The following TGFBR3 variants were observed in gnomAD, a reference collection of about 807,000 sequenced individuals.
TGFBR3 encodes the protein transforming growth factor beta receptor type 3.
A neutral mutation model predicts 87.9 loss-of-function variants in TGFBR3; 46 were observed. The observed-to-expected ratio is 0.52, with a 90% CI of 0.41 to 0.67. The LOEUF is 0.67. Ranked by LOEUF, TGFBR3 falls within the 30% of genes least tolerant of loss-of-function variation. TGFBR3 has a pLI of 0.00. For missense variants in TGFBR3, 866 were observed against 1,041.9 expected (o/e 0.83, Z 2.32); for synonymous variants, 381 against 391.6 (o/e 0.97, Z 0.32).
intron 1 of TGFBR3, among the ~76,000 whole-genome samples, chr1:91,872,398 C>A (rs1678615019): frequency 6.6e-6 from 1 of 152,198 alleles, no homozygotes; most frequent in Admixed American, 6.5e-5. Flanking sequence ...GGGACAACCC[C>A]TTATCTTGAG....
chr1:91,828,321 T>G (rs778412120), intron 2 of TGFBR3, among the ~76,000 whole-genome samples: 3 of 152,164 alleles, frequency 2.0e-5, no homozygotes, highest in Non-Finnish European at 4.4e-5. Flanking sequence ...TTGGCTTCAT[T>G]AACTAGTCAA....
rs571211266 is a variant in TGFBR3 at position 91,898,645 on chromosome 1, A to G, written c.-114+992T>C. Among the ~76,000 whole-genome samples the G allele has an allele frequency of 2.6e-5, 4 of 152,100 alleles. No homozygotes were observed. In the East Asian group the frequency reaches 7.7e-4, roughly 29 times the overall value. Reference sequence around the variant, plus strand: ...AGTAGAGACGGGGTTTCACCGTGTTAGCAGGATGGTCTCGATCTCCTGACC... The same window carrying G: ...AGTAGAGACGGGGTTTCACCGTGTTGGCAGGATGGTCTCGATCTCCTGACC... On this transcript the variant is annotated intron_variant, in intron 2 of 17. Transcript: ENST00000370399.
intron 13 of TGFBR3, 62 bp downstream of exon 13, chr1:91,712,181 A>C: frequency 6.6e-7 from 1 of 1,521,160 alleles, no homozygotes; most frequent in Non-Finnish European, 9.0e-7. Context: ...CTTGGGATTA[A>C]ACTTTTCTGC....
At chr1:91,744,396 C>A (rs1171468293) in intron 4 of TGFBR3, among the ~76,000 whole-genome samples, 3 of 152,116 alleles carry the variant, frequency 2.0e-5, no homozygotes, top group African/African-American at 7.2e-5. Context: ...ACTCAGCCTT[C>A]TTTTACTTTT....
At chr1:91,866,061 T>C (rs1195902261) in intron 1 of TGFBR3, among the ~76,000 whole-genome samples, 2 of 152,282 alleles carry the variant, frequency 1.3e-5, no homozygotes, top group South Asian at 2.1e-4. Context: ...CATGCCCTCA[T>C]GACCCAACAG....
At chr1:91,776,152 C>A (rs936171066) in intron 3 of TGFBR3, among the ~76,000 whole-genome samples, 2 of 152,214 alleles carry the variant, frequency 1.3e-5, no homozygotes, top group East Asian at 3.9e-4. Context: ...CAACACGCAA[C>A]ACTGGGTGCA....
At chr1:91,689,676 G>C (rs1430098305) in intron 16 of TGFBR3, among the ~76,000 whole-genome samples, 1 of 152,048 alleles carries the variant, frequency 6.6e-6, no homozygotes, top group Non-Finnish European at 1.5e-5. Flanking sequence ...AGGAAGAAAA[G>C]AGTGAACTCT....
At chr1:91,810,800 G>T (rs1253087578) in intron 2 of TGFBR3, among the ~76,000 whole-genome samples, 1 of 152,076 alleles carries the variant, frequency 6.6e-6, no homozygotes, top group Non-Finnish European at 1.5e-5. Flanking sequence ...CCATAAGACT[G>T]TTCTTAGGAT....
intron 12 of TGFBR3, 41 bp from the exon 13 acceptor site, chr1:91,712,583 A>G: frequency 1.2e-6 from 2 of 1,602,984 alleles, no homozygotes; most frequent in Non-Finnish European, 1.7e-6. Flanking sequence ...ATGAGTTAGC[A>G]TCTCACTTTC....
At chr1:91,863,697 C>G (rs1182802681) in intron 1 of TGFBR3, 1 of 152,132 alleles carries the variant, frequency 6.6e-6, no homozygotes, top group Non-Finnish European at 1.5e-5. Flanking sequence ...AGGAGATAAG[C>G]TAAAGAGTGG....
intron 4 of TGFBR3, among the ~76,000 whole-genome samples, chr1:91,741,615 C>T (rs1303722280): frequency 3.3e-5 from 5 of 152,166 alleles, no homozygotes; most frequent in African/African-American, 9.7e-5. Context: ...CAGCCCCCAT[C>T]CAGAGGCTAT....
chr1:91,850,163 C>T (rs1435990745), intron 2 of TGFBR3, among the ~76,000 whole-genome samples: 6 of 151,862 alleles, frequency 4.0e-5, no homozygotes, highest in Admixed American at 3.3e-4. Context: ...AAGTCTCTCC[C>T]CTTTCTGTGC....
chr1:91,824,694 G>C (rs1315214857), intron 2 of TGFBR3, among the ~76,000 whole-genome samples: 1 of 152,196 alleles, frequency 6.6e-6, no homozygotes, highest in African/African-American at 2.4e-5. Flanking sequence ...AGGCGCAGTA[G>C]CTCACACCTG....
chr1:91,770,166 T>C (rs961171162), intron 3 of TGFBR3, among the ~76,000 whole-genome samples: 4 of 151,372 alleles, frequency 2.6e-5, no homozygotes, highest in Non-Finnish European at 5.9e-5. Context: ...AGGGTAAAAA[T>C]GTATGCCATT....
intron 5 of TGFBR3, 142 bp from the exon 6 acceptor site, chr1:91,730,115 C>T (rs750714429): frequency 3.2e-5 from 29 of 920,538 alleles, no homozygotes; most frequent in Non-Finnish European, 4.8e-5. Context: ...TCTGTGAAGT[C>T]CGCAACCACT....
At chr1:91,725,767 A>G (rs1049959502) in intron 7 of TGFBR3, among the ~76,000 whole-genome samples, 13 of 152,204 alleles carry the variant, frequency 8.5e-5, no homozygotes, top group African/African-American at 3.1e-4. Context: ...TGGAAATGGG[A>G]TTTAAATCTA....
chr1:91,800,255 TACACACAC>T (rs67343577), intron 2 of TGFBR3, among the ~76,000 whole-genome samples: 6 of 89,332 alleles, frequency 6.7e-5, no homozygotes, highest in East Asian at 2.4e-4. Flanking sequence ...TATATATATA[TACACACAC>T]ACACACACAC....
intron 2 of TGFBR3, among the ~76,000 whole-genome samples, chr1:91,852,728 CTCT>C (rs1677786703): frequency 6.6e-6 from 1 of 152,206 alleles, no homozygotes; most frequent in South Asian, 2.1e-4. Context: ...CACCATGCCA[CTCT>C]AGGTCTTTTA....
chr1:91,692,573 G>T (rs1671302066), intron 16 of TGFBR3, among the ~76,000 whole-genome samples: 1 of 152,114 alleles, frequency 6.6e-6, no homozygotes, highest in South Asian at 2.1e-4. Context: ...AGAAGTTAGG[G>T]ACCCCTGAAC....
Sources: allele counts gnomAD v4.1 joint callset (sites outside exome capture counted in the v4.1 genomes callset), GRCh38; gene constraint gnomAD v4.1.1; transcripts MANE v1.5; gene names NCBI Gene and HGNC (gene_info 2026-07-23, HGNC 2026-07-21).